Variants in TPTE2 observed in about 807,000 individuals in gnomAD.
TPTE2 encodes the protein phosphatidylinositol 3,4,5-trisphosphate 3-phosphatase TPTE2.
TPTE2 carries 53 observed loss-of-function variants against 78.6 expected under a neutral mutation model. The ratio of observed to expected loss-of-function variants is 0.67; its 90% confidence interval spans 0.54 to 0.85. The LOEUF (loss-of-function observed/expected upper bound fraction) is 0.85, where lower values mean the gene tolerates loss of function less well. Ranked by LOEUF, TPTE2 falls within the 40% of genes least tolerant of loss-of-function variation. TPTE2 has a pLI of 0.00. For synonymous variants in TPTE2, 175 were observed against 206.2 expected (o/e 0.85, Z 1.30); for missense variants, 461 against 623.0 (o/e 0.74, Z 2.77).
the TPTE2 span, among the ~76,000 whole-genome samples, chr13:19,547,195 G>A: frequency 6.6e-6 from 1 of 152,082 alleles, no homozygotes; most frequent in Non-Finnish European, 1.5e-5. Flanking sequence ...CGTGGCCCAC[G>A]CCTGTAATCC....
chr13:19,435,303 T>C (rs1159296795), intron 15 of TPTE2, among the ~76,000 whole-genome samples: 1 of 152,228 alleles, frequency 6.6e-6, no homozygotes, highest in Non-Finnish European at 1.5e-5. Flanking sequence ...ATAAAAAGTG[T>C]TAAGGTTTTT....
chr13:19,451,843 G>GTGTGTGTGTATA (rs1555249617), intron 10 of TPTE2, among the ~76,000 whole-genome samples: 6 of 147,134 alleles, frequency 4.1e-5, no homozygotes, highest in African/African-American at 1.5e-4. Flanking sequence ...GTGTGTGTGT[G>GTGTGTGTGTATA]TATATATGTA....
At chr13:19,553,430 T>G in the TPTE2 span, among the ~76,000 whole-genome samples, 3 of 152,162 alleles carry the variant, frequency 2.0e-5, no homozygotes, top group African/African-American at 7.2e-5. Context: ...ACATAGCCAT[T>G]TGATTCCTGG....
At chr13:19,549,237 G>C in the TPTE2 span, among the ~76,000 whole-genome samples, 1 of 151,862 alleles carries the variant, frequency 6.6e-6, no homozygotes, top group Non-Finnish European at 1.5e-5. Context: ...CAGAATGAGA[G>C]AAAATATCTG....
At chr13:19,557,446 A>G in the TPTE2 span, among the ~76,000 whole-genome samples, 1 of 152,154 alleles carries the variant, frequency 6.6e-6, no homozygotes, top group Admixed American at 6.5e-5. Flanking sequence ...CATACCTGAG[A>G]ACATGTCAAA....
chr13:19,427,887 A>G (rs1423742434), intron 17 of TPTE2, among the ~76,000 whole-genome samples: 9 of 152,252 alleles, frequency 5.9e-5, no homozygotes, highest in African/African-American at 2.2e-4. Context: ...ACACAAAAGG[A>G]GGTGCAGACT....
chr13:19,444,910 A>G (rs1234279033), intron 13 of TPTE2, among the ~76,000 whole-genome samples: 2 of 152,236 alleles, frequency 1.3e-5, no homozygotes, highest in African/African-American at 4.8e-5. Context: ...TTGTGCTGGA[A>G]TAACTGGATA....
intron 14 of TPTE2, among the ~76,000 whole-genome samples, chr13:19,437,763 C>T (rs4771243): frequency 1 from 151,593 of 152,196 alleles, 75,500 homozygotes; most frequent in Middle Eastern, 1. Flanking sequence ...GTTGATATTG[C>T]ATACATCATA....
intron 14 of TPTE2, among the ~76,000 whole-genome samples, chr13:19,437,169 G>A (rs1412559238): frequency 6.6e-6 from 1 of 151,954 alleles, no homozygotes; most frequent in South Asian, 2.1e-4. Context: ...AAAACTCACT[G>A]ATAAATCATG....
At chr13:19,502,802 A>AAAAAAT (rs538947722) in intron 1 of TPTE2, among the ~76,000 whole-genome samples, 6 of 151,958 alleles carry the variant, frequency 3.9e-5, no homozygotes, top group Non-Finnish European at 5.9e-5. Context: ...GTATAATTTT[A>AAAAAAT]AAAAATAAAA....
At chr13:19,480,025 ATAT>A (rs1566058506) in intron 4 of TPTE2, among the ~76,000 whole-genome samples, 4 of 152,262 alleles carry the variant, frequency 2.6e-5, no homozygotes, top group African/African-American at 7.2e-5. Flanking sequence ...AAAAGTTCCA[ATAT>A]TAATATCAAA....
At chr13:19,513,260 G>C (rs1379158580) in intron 1 of TPTE2, among the ~76,000 whole-genome samples, 2 of 152,190 alleles carry the variant, frequency 1.3e-5, no homozygotes, top group Non-Finnish European at 2.9e-5. Flanking sequence ...TTGCCACATG[G>C]AGTGGTGATA....
chr13:19,487,420 G>A (rs1455491399), intron 3 of TPTE2, among the ~76,000 whole-genome samples: 1 of 152,106 alleles, frequency 6.6e-6, no homozygotes, highest in Non-Finnish European at 1.5e-5. Flanking sequence ...TGTTTCTCAG[G>A]TCCTGAGCAT....
chr13:19,479,690 G>A lies in TPTE2; in HGVS notation c.179+2798C>T, dbSNP rs1269946611. ...AAAAATAAAGAGATAGAGGCCAGGC[G>A]CGGTGGCTCACGCCTGTAATCCCAG... is the stretch of plus-strand genomic sequence containing the variant. On this transcript the variant is annotated intron_variant, in intron 4 of 19. Transcript: ENST00000400230. Among the ~76,000 whole-genome samples, 15 of 152,100 alleles carry A rather than the reference G, an allele frequency of 9.9e-5. 1 individual carries two copies. The highest frequency in any genetic ancestry group is 6.2e-4 in the South Asian group (3 of 4,818).
chr13:19,425,110 TATCA>T (rs1182071221), intron 18 of TPTE2, 93 bp from the exon 22 acceptor site: 3 of 612,482 alleles, frequency 4.9e-6, no homozygotes, highest in Non-Finnish European at 8.2e-6. Flanking sequence ...TTTATATATT[TATCA>T]AACAATTATA....
intron 6 of TPTE2, among the ~76,000 whole-genome samples, chr13:19,467,904 T>G (rs1000234488): frequency 2.0e-5 from 3 of 150,992 alleles, no homozygotes; most frequent in African/African-American, 7.3e-5. Flanking sequence ...CTTTTTTTTT[T>G]TTTTTAGAGC....
intron 10 of TPTE2, among the ~76,000 whole-genome samples, chr13:19,462,471 C>G (rs530237471): frequency 1.3e-5 from 2 of 151,750 alleles, no homozygotes; most frequent in South Asian, 4.2e-4. Context: ...GGGAAATCCA[C>G]TGTTAATCAA....
exon 15 of TPTE2, chr13:19,436,234 G>T: frequency 6.2e-7 from 1 of 1,611,644 alleles, no homozygotes; most frequent in South Asian, 1.1e-5. Context: ...ACCTGAGAAG[G>T]AGTTTCTACT....
At chr13:19,523,199 A>T (rs1332559782) in intron 1 of TPTE2, among the ~76,000 whole-genome samples, 1 of 151,978 alleles carries the variant, frequency 6.6e-6, no homozygotes, top group East Asian at 1.9e-4. Context: ...CTTGTTTTTC[A>T]CCAAGATTGT....
Sources: gnomAD v4.1 joint callset for allele counts (sites outside exome capture counted in the v4.1 genomes callset) on GRCh38, gnomAD v4.1.1 for gene constraint, MANE v1.5 for transcripts, NCBI Gene and HGNC (gene_info 2026-07-23, HGNC 2026-07-21) for gene names.